Variants in LMLN observed in about 807,000 individuals in gnomAD.
The protein encoded by LMLN is leishmanolysin like peptidase, also known as leishmanolysin-like peptidase.
LMLN carries 70 observed loss-of-function variants against 92.3 expected under a neutral mutation model. The observed-to-expected ratio is 0.76, with a 90% CI of 0.63 to 0.92. LMLN has a LOEUF of 0.92. Ranked by LOEUF, LMLN falls within the 40% of genes least tolerant of loss-of-function variation. The pLI is 0.00. For missense variants in LMLN, 691 were observed against 814.6 expected, an observed-to-expected ratio of 0.85 and a Z score of 1.85; for synonymous variants, 308 against 296.2, an observed-to-expected ratio of 1.04 and a Z score of -0.41.
At chr3:197,968,262 C>T (rs112358895) in intron 1 of LMLN, among the ~76,000 whole-genome samples, 1,881 of 151,730 alleles carry the variant, frequency 0.012, 18 homozygotes, top group Non-Finnish European at 0.018. Context: ...GTCAGGAGAT[C>T]GAAACCATCC....
intron 10 of LMLN, among the ~76,000 whole-genome samples, chr3:197,997,000 C>CTT (rs1722040396): frequency 6.7e-6 from 1 of 148,238 alleles, no homozygotes; most frequent in Admixed American, 6.6e-5. Flanking sequence ...TGTTTTTTTT[C>CTT]TTTTCTTTTC....
At chr3:197,996,380 T>C in intron 10 of LMLN, 98 bp downstream of exon 10, 1 of 682,608 alleles carries the variant, frequency 1.5e-6, no homozygotes, top group Non-Finnish European at 2.4e-6. Context: ...GAAAAATGTT[T>C]ACGTCCCTTT....
rs1316599245 is a variant in LMLN at position 198,014,171 on chromosome 3, T to C, written c.1233-5082T>C. Among the ~76,000 whole-genome samples the C allele has an allele frequency of 2.1e-4, 31 of 148,438 alleles. 1 individual carries two copies. The highest frequency in any genetic ancestry group is 4.0e-4 in the Non-Finnish European group (27 of 67,452). The stretch of plus-strand genomic sequence containing the variant: ...AACTAGTCTGACTTCTCTGTACCCT[T>C]CAGAGCCTCCTAACTAGTCTGACTT... On this transcript the variant is annotated intron_variant, in intron 11 of 15. Transcript: ENST00000330198.
At chr3:197,968,830 C>T (rs898490128) in intron 1 of LMLN, among the ~76,000 whole-genome samples, 30 of 152,324 alleles carry the variant, frequency 2.0e-4, no homozygotes, top group Admixed American at 7.8e-4. Context: ...TAAGCCATCT[C>T]AGTCTGGAAT....
exon 16 of LMLN, chr3:198,038,604 C>G (rs765406326): frequency 1.2e-6 from 2 of 1,614,184 alleles, no homozygotes; most frequent in Non-Finnish European, 1.7e-6. Context: ...TGGTCACCCT[C>G]TGGCTTCTGC....
At chr3:198,012,428 T>C (rs1004106724) in intron 11 of LMLN, among the ~76,000 whole-genome samples, 9 of 152,202 alleles carry the variant, frequency 5.9e-5, no homozygotes, top group African/African-American at 1.9e-4. Context: ...TGTTGGGTTC[T>C]TCTATATCCT....
At chr3:197,966,603 C>A (rs1433014978) in intron 1 of LMLN, among the ~76,000 whole-genome samples, 1 of 151,340 alleles carries the variant, frequency 6.6e-6, no homozygotes, top group African/African-American at 2.4e-5. Context: ...CTTTCCTGCA[C>A]CAGTTGATAC....
intron 14 of LMLN, among the ~76,000 whole-genome samples, chr3:198,032,767 A>G (rs1469519180): frequency 6.6e-6 from 1 of 152,224 alleles, no homozygotes; most frequent in African/African-American, 2.4e-5. Flanking sequence ...ACCTCTCACT[A>G]GGCCCCACAT....
At chr3:197,996,991 GT>G (rs148627829) in intron 10 of LMLN, among the ~76,000 whole-genome samples, 9 of 150,088 alleles carry the variant, frequency 6.0e-5, no homozygotes, top group South Asian at 2.1e-4. Context: ...CTTTTCTTTT[GT>G]TTTTTTTCTT....
chr3:197,968,614 A>G (rs1288708613), intron 1 of LMLN, among the ~76,000 whole-genome samples: 2 of 152,078 alleles, frequency 1.3e-5, no homozygotes, highest in Admixed American at 1.3e-4. Flanking sequence ...TTAAAATGAA[A>G]TCTTCACAAT....
chr3:198,023,921 G>T (rs777387437), intron 13 of LMLN, among the ~76,000 whole-genome samples: 2 of 152,186 alleles, frequency 1.3e-5, no homozygotes, highest in Non-Finnish European at 2.9e-5. Context: ...ACAAGTTGAA[G>T]ATATAAGAAA....
At chr3:197,961,973 G>A (rs903531554) in intron 1 of LMLN, among the ~76,000 whole-genome samples, 7 of 151,942 alleles carry the variant, frequency 4.6e-5, no homozygotes, top group African/African-American at 1.5e-4. Context: ...CAGCCATTCC[G>A]CAGCCCCCTA....
intron 1 of LMLN, among the ~76,000 whole-genome samples, chr3:197,967,966 A>T (rs149090113): frequency 2.2e-3 from 332 of 152,298 alleles, no homozygotes; most frequent in African/African-American, 7.6e-3. Context: ...AGGCAGTCAC[A>T]CCTTATGGTT....
At chr3:198,033,882 G>A (rs748826092) in intron 14 of LMLN, among the ~76,000 whole-genome samples, 3 of 152,236 alleles carry the variant, frequency 2.0e-5, no homozygotes, top group African/African-American at 2.4e-5. Flanking sequence ...TGTGGATCAC[G>A]GAGTGACAGA....
At chr3:198,016,340 G>T (rs1304201460) in intron 11 of LMLN, among the ~76,000 whole-genome samples, 2 of 152,172 alleles carry the variant, frequency 1.3e-5, no homozygotes, top group African/African-American at 4.8e-5. Flanking sequence ...ATAATAGGCA[G>T]TAGCCGGAAG....
chr3:198,007,831 C>T (rs1055379090), intron 11 of LMLN, among the ~76,000 whole-genome samples: 1 of 152,172 alleles, frequency 6.6e-6, no homozygotes, highest in Non-Finnish European at 1.5e-5. Flanking sequence ...AGAAAACATT[C>T]AGTCTTTCAT....
intron 15 of LMLN, 103 bp from the exon 17 acceptor site, chr3:198,038,464 G>A: frequency 2.3e-6 from 2 of 863,258 alleles, no homozygotes; most frequent in South Asian, 1.6e-5. Flanking sequence ...GGTGGTCCTT[G>A]TTTACTTTTT....
chr3:198,029,531 G>C (rs1237309220), intron 14 of LMLN, among the ~76,000 whole-genome samples: 1 of 152,084 alleles, frequency 6.6e-6, no homozygotes, highest in Non-Finnish European at 1.5e-5. Context: ...AATTAGCCGG[G>C]CATGGTGGCC....
intron 6 of LMLN, among the ~76,000 whole-genome samples, chr3:197,982,217 T>C (rs1361801518): frequency 1.3e-5 from 2 of 148,340 alleles, no homozygotes; most frequent in Admixed American, 6.8e-5. Flanking sequence ...AAAAAGCAGT[T>C]ACCTTCTTTT....
Sources: allele counts gnomAD v4.1 joint callset (sites outside exome capture counted in the v4.1 genomes callset), GRCh38; gene constraint gnomAD v4.1.1; transcripts MANE v1.5; gene names NCBI Gene and HGNC (gene_info 2026-07-23, HGNC 2026-07-21).